Variants in DNMT1 observed in about 807,000 individuals in gnomAD.
DNMT1 encodes DNA (cytosine-5)-methyltransferase 1.
Under a neutral mutation model 205.3 loss-of-function variants are expected in DNMT1, and 24 were observed. The observed-to-expected ratio is 0.12, with a 90% CI of 0.08 to 0.16. The LOEUF (loss-of-function observed/expected upper bound fraction) is 0.16. Ranked by LOEUF, DNMT1 falls within the 10% of genes least tolerant of loss-of-function variation. The pLI, the probability that DNMT1 is intolerant of heterozygous loss-of-function variation, is 1.00. For synonymous variants in DNMT1, 817 were observed against 839.8 expected (o/e 0.97, Z 0.47); for missense variants, 1,293 against 2,177.7 (o/e 0.59, Z 8.09).
rs2038766827 is a variant in DNMT1, at chr19:10,169,437, G to GTCCCAGC, written c.769-1080_769-1074dup. On this transcript the variant is annotated intron_variant, in intron 9 of 40. Coordinates refer to ENST00000359526, the MANE Select transcript of DNMT1 (RefSeq NM_001130823.3). ...CCGGGCGTGTTGGCGGGCGCCTGCA[G>GTCCCAGC]TCCCAGCTACTGGGGAGGTGGAGGC... 2.0e-5 allele frequency among the ~76,000 whole-genome samples: 3 copies of GTCCCAGC among 150,814 alleles called. No individual in the cohort carries two copies. In the South Asian group the frequency reaches 6.3e-4, roughly 32 times the overall value.
chr19:10,191,037 C>T (rs1228568688), intron 1 of DNMT1, among the ~76,000 whole-genome samples: 2 of 151,824 alleles, frequency 1.3e-5, no homozygotes, highest in Non-Finnish European at 2.9e-5. Context: ...TGCTTGAACT[C>T]GGGAGGTGGA....
intron 1 of DNMT1, among the ~76,000 whole-genome samples, chr19:10,187,303 C>T (rs919086918): frequency 6.6e-6 from 1 of 152,004 alleles, no homozygotes; most frequent in African/African-American, 2.4e-5. Context: ...AAATGCTCGT[C>T]TGAAATACAG....
At chr19:10,148,777 A>G (rs1281704967) in intron 27 of DNMT1, 107 bp downstream of exon 27, 1 of 1,596,710 alleles carries the variant, frequency 6.3e-7, no homozygotes, top group African/African-American at 1.3e-5. Flanking sequence ...CAAGAGACAC[A>G]AACTGGGGGG....
intron 5 of DNMT1, among the ~76,000 whole-genome samples, chr19:10,177,736 G>A (rs1020209673): frequency 6.6e-6 from 1 of 152,026 alleles, no homozygotes; most frequent in African/African-American, 2.4e-5. Flanking sequence ...TTCGAGAACA[G>A]CCTGGACAAC....
chr19:10,141,971 A>T, intron 30 of DNMT1, 57 bp downstream of exon 30: 1 of 1,596,276 alleles, frequency 6.3e-7, no homozygotes, highest in Non-Finnish European at 8.5e-7. Flanking sequence ...CCGACATCAG[A>T]CTCCTTCTGG....
At chr19:10,139,526 T>A in intron 34 of DNMT1, 150 bp downstream of exon 34, 1 of 1,361,726 alleles carries the variant, frequency 7.3e-7, no homozygotes, top group Non-Finnish European at 1.0e-6. Flanking sequence ...CTCCCCTGAC[T>A]CCGCCAGTGG....
chr19:10,152,307 G>T (rs1365219717), intron 22 of DNMT1, among the ~76,000 whole-genome samples: 2 of 145,118 alleles, frequency 1.4e-5, no homozygotes, highest in Admixed American at 1.4e-4. Context: ...ACAGCCCTTA[G>T]CAACAATGAA....
At chr19:10,183,094 C>CACGTATATAT in intron 1 of DNMT1, among the ~76,000 whole-genome samples, 1 of 133,556 alleles carries the variant, frequency 7.5e-6, no homozygotes, top group South Asian at 2.3e-4. Context: ...TATATATATA[C>CACGTATATAT]ACGTATATAT....
intron 27 of DNMT1, among the ~76,000 whole-genome samples, chr19:10,148,116 C>CAA (rs35310173): frequency 2.1e-3 from 125 of 59,160 alleles, no homozygotes; most frequent in Non-Finnish European, 2.6e-3. Flanking sequence ...AACTCTGTCT[C>CAA]AAAAAAAAAA....
chr19:10,167,230 C>G (rs1343860740), intron 10 of DNMT1, among the ~76,000 whole-genome samples: 1 of 151,516 alleles, frequency 6.6e-6, no homozygotes, highest in Non-Finnish European at 1.5e-5. Context: ...GAGTCTCGCT[C>G]TATCACCTAC....
rs747030748 is a variant in DNMT1, at chr19:10,135,664, C to T, written c.4773+72G>A. On this transcript the variant is annotated intron_variant, in intron 39 of 40. Transcript: ENST00000359526. Reference sequence around the variant, plus strand: ...GTCCTCCCGGAAGTGACTGCGCTGGCCCCAGCCCCACCTGGTGACAGGCAC... The same window carrying T: ...GTCCTCCCGGAAGTGACTGCGCTGGTCCCAGCCCCACCTGGTGACAGGCAC... 1.8e-5 allele frequency: 28 copies of T among 1,521,288 alleles called. No homozygotes were observed. In the South Asian group the frequency reaches 2.6e-4, roughly 14 times the overall value. The allele number at this position is 1,521,288 out of a possible 1,614,324, so 94.2% of individuals were successfully genotyped here. A position where few individuals can be genotyped will look rare whatever the true frequency, so the allele number is the denominator to read the frequency against.
At chr19:10,148,069 T>C (rs1322989877) in intron 27 of DNMT1, among the ~76,000 whole-genome samples, 2 of 134,032 alleles carry the variant, frequency 1.5e-5, no homozygotes, top group Non-Finnish European at 3.1e-5. Context: ...TGGGCCAAGA[T>C]TGAGCCACTG....
chr19:10,190,765 A>AAAAATAAAATAAAAT lies in DNMT1; in HGVS notation c.80+4040_80+4054dup, dbSNP rs71188886. Among the ~76,000 whole-genome samples, 154 of 134,636 alleles carry AAAAATAAAATAAAAT rather than the reference A, an allele frequency of 1.1e-3. 1 individual carries two copies. The highest frequency in any genetic ancestry group is 2.6e-3 in the African/African-American group (91 of 34,962). 88.3% of individuals were successfully genotyped at this position (134,636 alleles called of 152,430 possible). A position where few individuals can be genotyped will look rare whatever the true frequency, so the allele number is the denominator to read the frequency against. ...GGGCGACAGCACAAGACTCTGTCTC[A>AAAAATAAAATAAAAT]AAAATAAAATAAAATAAAATAAAAT... On this transcript the variant is annotated intron_variant, in intron 1 of 40. Coordinates refer to ENST00000359526, the MANE Select transcript of DNMT1 (RefSeq NM_001130823.3).
Position 10,154,486 on chromosome 19 carries a change from G to A in DNMT1, c.1833-7C>T. Reference sequence around the variant, plus strand: ...CCGCCTCGCCTGGGCTCGCCTACGGGAGAGGTTCCAGCATCTCAGAGGACT... The same window carrying A: ...CCGCCTCGCCTGGGCTCGCCTACGGAAGAGGTTCCAGCATCTCAGAGGACT... On this transcript the variant is annotated splice_region_variant and splice_polypyrimidine_tract_variant and intron_variant, in intron 21 of 40. Transcript: ENST00000359526. The surrounding 1 kb of genome is among the most constrained non-coding windows in gnomAD (Gnocchi z 6.3). 1 of 1,614,190 alleles carries A rather than the reference G, an allele frequency of 6.2e-7. No individual in the cohort carries two copies. Among genetic ancestry groups the A allele is most frequent in the Non-Finnish European group, 8.5e-7 (1 of 1,180,028 alleles).
intron 1 of DNMT1, among the ~76,000 whole-genome samples, chr19:10,183,111 GTA>G (rs780427806): frequency 3.7e-5 from 5 of 134,796 alleles, no homozygotes; most frequent in Admixed American, 1.5e-4. Context: ...ATATACGTGT[GTA>G]TATATATATA....
At chr19:10,183,081 G>A (rs999637104) in intron 1 of DNMT1, among the ~76,000 whole-genome samples, 4 of 139,936 alleles carry the variant, frequency 2.9e-5, no homozygotes, top group African/African-American at 8.6e-5. Context: ...ATATGTGTGT[G>A]TATATATATA....
rs1452702742 is a variant in DNMT1 at position 10,194,834 on chromosome 19, G to A, written c.66C>T (p.Asp22=). ...ATGGTACCTACCGCCTGCGGACATCGTCGGGCAGCGAGATGGCCGGGACGG... is the reference window on the plus strand; with the variant it reads ...ATGGTACCTACCGCCTGCGGACATCATCGGGCAGCGAGATGGCCGGGACGG... The part of the protein sequence containing the change: ...TLAVPAISLP[D]DVRRRLKDLE... The change falls in exon 1 of 41, where the codon GAC becomes GAT. Residue 22 remains aspartate, a synonymous_variant. Coordinates refer to ENST00000359526, the MANE Select transcript of DNMT1 (RefSeq NM_001130823.3). The A allele has an allele frequency of 1.2e-6, 2 of 1,611,672 alleles. No homozygotes were observed. Among genetic ancestry groups the A allele is most frequent in the East Asian group, 2.2e-5 (1 of 44,714 alleles).
In DNMT1 at chr19:10,156,182, T is replaced by C. The variant is rs559619325; in HGVS notation, c.1399+209A>G. 6.6e-6 allele frequency among the ~76,000 whole-genome samples: 1 copy of C among 150,764 alleles called. No homozygotes were observed. The highest frequency in any genetic ancestry group is 1.9e-4 in the East Asian group (1 of 5,146). On this transcript the variant is annotated intron_variant, in intron 18 of 40. Transcript: ENST00000359526. The surrounding 1 kb of genome is among the most constrained non-coding windows in gnomAD (Gnocchi z 4.2). Reference sequence around the variant, plus strand: ...TATGTTTTTTATTTATACATATATATAAGTATATATGTATACTATATATAT... The same window carrying C: ...TATGTTTTTTATTTATACATATATACAAGTATATATGTATACTATATATAT...
chr19:10,157,071 G>A (rs903727060), intron 17 of DNMT1, among the ~76,000 whole-genome samples: 4 of 152,108 alleles, frequency 2.6e-5, no homozygotes, highest in East Asian at 1.9e-4. Flanking sequence ...GGGAAATACC[G>A]GTTTCTAGAA....
Sources: allele counts gnomAD v4.1 joint callset (sites outside exome capture counted in the v4.1 genomes callset), GRCh38; gene constraint gnomAD v4.1.1; non-coding constraint Gnocchi (gnomAD v3.1); transcripts MANE v1.5; gene names NCBI Gene and HGNC (gene_info 2026-07-23, HGNC 2026-07-21).